Variants in DMXL1 observed in about 807,000 individuals in gnomAD.
The protein encoded by DMXL1 is Dmx like 1.
Under a neutral mutation model 319.2 loss-of-function variants are expected in DMXL1, and 99 were observed. The ratio of observed to expected loss-of-function variants is 0.31; its 90% CI spans 0.26 to 0.37. The LOEUF is 0.37. DMXL1 is among the 10% of genes least tolerant of loss of function. The pLI, the probability that DMXL1 is intolerant of heterozygous loss-of-function variation, is 1.00. For missense variants in DMXL1, 3,745 were observed against 3,595.6 expected, an observed-to-expected ratio of 1.04 and a Z score of -1.06; for synonymous variants, 1,385 against 1,235.2, an observed-to-expected ratio of 1.12 and a Z score of -2.54.
chr5:119,223,185 T>A (rs1784943430), intron 37 of DMXL1, among the ~76,000 whole-genome samples: 1 of 151,638 alleles, frequency 6.6e-6, no homozygotes. Context: ...GCCTCCCTAG[T>A]AGCTGGGATT....
chr5:119,187,788 G>C (rs183579406), intron 28 of DMXL1, among the ~76,000 whole-genome samples: 6 of 151,962 alleles, frequency 3.9e-5, no homozygotes, highest in Non-Finnish European at 8.8e-5. Context: ...TCAGCCTCCC[G>C]AGTAGCTGGG....
chr5:119,198,030 C>T lies in DMXL1; in HGVS notation c.7745+74C>T, dbSNP rs1467045500. 3.4e-6 allele frequency: 5 copies of T among 1,466,138 alleles called. No individual in the cohort carries two copies. In the East Asian group the frequency reaches 1.1e-4, roughly 33 times the overall value. 90.8% of individuals were successfully genotyped at this position (1,466,138 alleles called of 1,614,324 possible). On this transcript the variant is annotated intron_variant, in intron 32 of 43. Transcript: ENST00000539542. Reference sequence around the variant, plus strand: ...TTGAGATGGTGTCTCGCTCTGTCATCCGGGCTGGAGTGCAGTGGCACAATC... The same window carrying T: ...TTGAGATGGTGTCTCGCTCTGTCATTCGGGCTGGAGTGCAGTGGCACAATC...
intron 6 of DMXL1, 86 bp downstream of exon 6, chr5:119,114,627 T>C (rs923458012): frequency 2.3e-6 from 2 of 886,250 alleles, no homozygotes; most frequent in Non-Finnish European, 3.5e-6. Context: ...CATTCTTTTA[T>C]TTATTTAACT....
In DMXL1 at chr5:119,146,826, A is replaced by G; in HGVS notation, c.2570-11A>G. 1 of 1,607,962 alleles carries G rather than the reference A, an allele frequency of 6.2e-7. No homozygotes were observed. The highest frequency in any genetic ancestry group is 8.5e-7 in the Non-Finnish European group (1 of 1,177,386). ...CATAGTAACAGTGAAAAATATCATT[A>G]ATACCAACAGGCAGCTCACCTAATG... On this transcript the variant is annotated splice_polypyrimidine_tract_variant and intron_variant, in intron 15 of 43. Coordinates refer to ENST00000539542, the MANE Select transcript of DMXL1 (RefSeq NM_001290321.3).
At chr5:119,198,779 A>G (rs145689495) in intron 32 of DMXL1, among the ~76,000 whole-genome samples, 399 of 152,322 alleles carry the variant, frequency 2.6e-3, no homozygotes, top group African/African-American at 9.2e-3. Context: ...AAAATAGACA[A>G]ATAGACCAGT....
chr5:119,201,131 TC>T (rs1780633564), intron 32 of DMXL1, among the ~76,000 whole-genome samples: 1 of 152,198 alleles, frequency 6.6e-6, no homozygotes, highest in African/African-American at 2.4e-5. Context: ...AGACAAAGCA[TC>T]CTTGTCTTGT....
chr5:119,139,897 G>C (rs930510545), intron 13 of DMXL1, among the ~76,000 whole-genome samples: 5 of 152,106 alleles, frequency 3.3e-5, no homozygotes, highest in African/African-American at 9.7e-5. Flanking sequence ...AGCAAATGCA[G>C]AAGAACCAAA....
intron 25 of DMXL1, among the ~76,000 whole-genome samples, chr5:119,173,544 C>T (rs1775034631): frequency 6.6e-6 from 1 of 151,328 alleles, no homozygotes; most frequent in African/African-American, 2.4e-5. Flanking sequence ...GCATCATTTA[C>T]ATTTCTGGTG....
intron 30 of DMXL1, among the ~76,000 whole-genome samples, chr5:119,194,889 T>C (rs1052172012): frequency 2.0e-5 from 3 of 151,950 alleles, no homozygotes; most frequent in African/African-American, 7.3e-5. Flanking sequence ...ACCCGATCTA[T>C]ATTTCTAAAA....
chr5:119,096,468 G>T (rs140144105), intron 1 of DMXL1, among the ~76,000 whole-genome samples: 39 of 152,280 alleles, frequency 2.6e-4, no homozygotes, highest in African/African-American at 9.1e-4. Flanking sequence ...GAGCCACCAT[G>T]CCCAGCCTGA....
At chr5:119,137,148 C>A (rs1766196395) in intron 13 of DMXL1, among the ~76,000 whole-genome samples, 1 of 152,194 alleles carries the variant, frequency 6.6e-6, no homozygotes, top group South Asian at 2.1e-4. Context: ...GTCAATGTGC[C>A]CTGGATGCAA....
rs577406505 is a variant in DMXL1, at chr5:119,112,165, G to A, written c.497+1882G>A. On this transcript the variant is annotated intron_variant, in intron 5 of 43. Transcript: ENST00000539542. ...TTTAGTGGAAACGAGGTTTCACCAT[G>A]TTAGCCATGATGGTCTCAATCTCCT... Among the ~76,000 whole-genome samples, 13 of 152,244 alleles carry A rather than the reference G, an allele frequency of 8.5e-5. No homozygotes were observed. The South Asian group carries it at 2.7e-3, about 32-fold the overall frequency.
chr5:119,215,465 G>A (rs1238282222), intron 34 of DMXL1, among the ~76,000 whole-genome samples: 1 of 151,846 alleles, frequency 6.6e-6, no homozygotes, highest in African/African-American at 2.4e-5. Flanking sequence ...GCACCATCAC[G>A]CCTGGCTAAT....
rs535105508 is a variant in DMXL1 at position 119,122,792 on chromosome 5, C to T, written c.1102+1653C>T. Among the ~76,000 whole-genome samples, 15 of 150,894 alleles carry T rather than the reference C, an allele frequency of 9.9e-5. No homozygotes were observed. The South Asian group carries it at 1.9e-3, about 19-fold the overall frequency. ...CTCACTTACTAGATGGGATGGCGGC[C>T]GGGCAGAGATGCTCCTCACTTTCCA... On this transcript the variant is annotated intron_variant, in intron 9 of 43. Transcript: ENST00000539542.
intron 7 of DMXL1, among the ~76,000 whole-genome samples, 174 bp downstream of exon 7, chr5:119,116,510 T>G (rs753746227): frequency 6.6e-6 from 1 of 152,220 alleles, no homozygotes; most frequent in Non-Finnish European, 1.5e-5. Flanking sequence ...CAACTATGTT[T>G]GATGCTTAGG....
chr5:119,079,641 C>G (rs970744028), intron 1 of DMXL1, among the ~76,000 whole-genome samples: 1 of 152,188 alleles, frequency 6.6e-6, no homozygotes, highest in Non-Finnish European at 1.5e-5. Context: ...TAATTTGAAT[C>G]AACAGATCTC....
chr5:119,123,525 C>A (rs937754196), intron 9 of DMXL1, among the ~76,000 whole-genome samples: 1 of 151,932 alleles, frequency 6.6e-6, no homozygotes, highest in Admixed American at 6.6e-5. Flanking sequence ...TGTTTGTTTG[C>A]CCTTTAAGGC....
At chr5:119,232,774 G>A (rs1041745250) in intron 38 of DMXL1, among the ~76,000 whole-genome samples, 10 of 149,818 alleles carry the variant, frequency 6.7e-5, no homozygotes, top group African/African-American at 2.2e-4. Flanking sequence ...AAGAGTTAAA[G>A]ACCAGCCTTG....
rs770872118 is a variant in DMXL1, at chr5:119,116,307, C to G, written c.714C>G (p.Ser238=). 9 of 1,613,828 alleles carry G rather than the reference C, an allele frequency of 5.6e-6. No individual in the cohort carries two copies. The African/African-American group carries it at 1.2e-4, about 22-fold the overall frequency. Residue 238 remains serine, a synonymous_variant, in exon 7 of 44, where the codon TCC becomes TCG. Coordinates refer to ENST00000539542, the MANE Select transcript of DMXL1 (RefSeq NM_001290321.3). The part of the protein sequence containing the change: ...LAHPRAVNGF[S]WRKTSKYMPR... The stretch of plus-strand genomic sequence containing the variant: ...ATCCTCGAGCAGTAAATGGATTTTC[C>G]TGGCGTAAAACAAGCAAATATATGC...
Sources: allele counts gnomAD v4.1 joint callset (sites outside exome capture counted in the v4.1 genomes callset), GRCh38; gene constraint gnomAD v4.1.1; transcripts MANE v1.5; gene names NCBI Gene and HGNC (gene_info 2026-07-23, HGNC 2026-07-21).